MEGF11: variants seen among roughly 807,000 people sequenced by gnomAD.
MEGF11 encodes the protein multiple epidermal growth factor-like domains protein 11.
A neutral mutation model predicts 146.6 loss-of-function variants in MEGF11; 126 were observed. The observed-to-expected ratio is 0.86, with a 90% CI of 0.74 to 1.00. MEGF11 has a LOEUF of 1.00. Ranked by LOEUF, MEGF11 falls within the 50% of genes least tolerant of loss-of-function variation. The pLI is 0.00. For missense variants in MEGF11, 1,509 were observed against 1,521.2 expected, an observed-to-expected ratio of 0.99 and a Z score of 0.13; for synonymous variants, 532 against 583.4, an observed-to-expected ratio of 0.91 and a Z score of 1.27.
At chr15:65,930,579 C>T (rs927786348) in intron 11 of MEGF11, among the ~76,000 whole-genome samples, 1 of 152,242 alleles carries the variant, frequency 6.6e-6, no homozygotes, top group African/African-American at 2.4e-5. Flanking sequence ...GTCTCGGTTG[C>T]ACACTTTCCC....
intron 7 of MEGF11, among the ~76,000 whole-genome samples, chr15:65,973,625 C>T (rs982882186): frequency 1.3e-5 from 2 of 152,056 alleles, no homozygotes; most frequent in African/African-American, 2.4e-5. Context: ...AGCCAAATCC[C>T]GTGTCTTAAA....
intron 5 of MEGF11, among the ~76,000 whole-genome samples, chr15:66,085,707 G>C (rs990376505): frequency 6.6e-6 from 1 of 152,192 alleles, no homozygotes; most frequent in African/African-American, 2.4e-5. Flanking sequence ...CCCTCTGACA[G>C]AGCCTACCCA....
At chr15:65,919,984 G>A (rs2079124658) in intron 15 of MEGF11, among the ~76,000 whole-genome samples, 1 of 152,128 alleles carries the variant, frequency 6.6e-6, no homozygotes, top group Admixed American at 6.5e-5. Context: ...ATAAAACAAG[G>A]TATGCCTGTA....
At chr15:65,930,761 C>T in intron 11 of MEGF11, 62 bp downstream of exon 11, 17 of 1,496,210 alleles carry the variant, frequency 1.1e-5, no homozygotes, top group Non-Finnish European at 1.4e-5. Context: ...CCTCAGCTGG[C>T]AGCACCACCT....
At chr15:66,234,818 C>A (rs1220576298) in intron 1 of MEGF11, among the ~76,000 whole-genome samples, 3 of 152,200 alleles carry the variant, frequency 2.0e-5, no homozygotes, top group African/African-American at 7.2e-5. Flanking sequence ...GATTTACTCC[C>A]TGTTCATAAA....
intron 5 of MEGF11, among the ~76,000 whole-genome samples, chr15:65,983,783 AG>A (rs2141700804): frequency 6.6e-6 from 1 of 152,172 alleles, no homozygotes; most frequent in East Asian, 1.9e-4. Flanking sequence ...CAGAGAGGAA[AG>A]GGGGCAGGTG....
chr15:66,068,685 T>G (rs2085243555), intron 5 of MEGF11, among the ~76,000 whole-genome samples: 1 of 152,146 alleles, frequency 6.6e-6, no homozygotes, highest in Non-Finnish European at 1.5e-5. Flanking sequence ...ATCAGGCCAT[T>G]GTCATGGGTT....
At chr15:66,026,788 G>C (rs564742239) in intron 5 of MEGF11, among the ~76,000 whole-genome samples, 1 of 152,162 alleles carries the variant, frequency 6.6e-6, no homozygotes, top group African/African-American at 2.4e-5. Context: ...ACACCTGGCC[G>C]AAGCCTAGCA....
intron 10 of MEGF11, among the ~76,000 whole-genome samples, chr15:65,948,660 AG>A (rs1235482148): frequency 6.6e-6 from 1 of 152,204 alleles, no homozygotes; most frequent in African/African-American, 2.4e-5. Context: ...GCTACGTGCC[AG>A]GCTTTGTTCT....
intron 5 of MEGF11, among the ~76,000 whole-genome samples, chr15:66,033,774 ATTTATTTATTTTTATTT>A (rs2083621940): frequency 5.4e-5 from 5 of 93,132 alleles, no homozygotes; most frequent in East Asian, 1.5e-3. Context: ...TTGGTTTTGG[ATTTATTTATTTTTATTT>A]TTTATTTTTA....
intron 13 of MEGF11, among the ~76,000 whole-genome samples, chr15:65,923,751 A>G (rs2079261307): frequency 6.6e-6 from 1 of 152,230 alleles, no homozygotes; most frequent in African/African-American, 2.4e-5. Context: ...GAATTTCTCA[A>G]TAAGAAAAAG....
intron 8 of MEGF11, among the ~76,000 whole-genome samples, chr15:65,965,774 A>ATTGT (rs959702792): frequency 2.2e-4 from 33 of 151,888 alleles, no homozygotes; most frequent in African/African-American, 8.0e-4. Flanking sequence ...ATCAATGTCC[A>ATTGT]TTGTTTATAA....
intron 5 of MEGF11, among the ~76,000 whole-genome samples, chr15:66,055,765 C>T (rs1031684368): frequency 6.6e-6 from 1 of 152,162 alleles, no homozygotes; most frequent in Non-Finnish European, 1.5e-5. Context: ...GGAAGCCTCA[C>T]GCGGCCGCAC....
intron 5 of MEGF11, among the ~76,000 whole-genome samples, chr15:65,999,678 G>A (rs2082301806): frequency 6.6e-6 from 1 of 152,146 alleles, no homozygotes; most frequent in Admixed American, 6.5e-5. Flanking sequence ...TTGCCATCAG[G>A]ATATGATACA....
At chr15:66,152,369 G>A (rs1263343501) in intron 1 of MEGF11, among the ~76,000 whole-genome samples, 1 of 152,042 alleles carries the variant, frequency 6.6e-6, no homozygotes, top group South Asian at 2.1e-4. Flanking sequence ...ATGGATCCCA[G>A]ACTCCCCCCT....
At chr15:66,001,218 C>T (rs1420683605) in intron 5 of MEGF11, among the ~76,000 whole-genome samples, 2 of 151,916 alleles carry the variant, frequency 1.3e-5, no homozygotes, top group East Asian at 3.9e-4. Flanking sequence ...GGCTGGAGTC[C>T]CCCCACACAT....
At chr15:65,985,224 A>C (rs1349129734) in intron 5 of MEGF11, among the ~76,000 whole-genome samples, 1 of 152,188 alleles carries the variant, frequency 6.6e-6, no homozygotes, top group Non-Finnish European at 1.5e-5. Flanking sequence ...TTAAGTGATT[A>C]CCTGAGGTTA....
chr15:66,041,026 GTGCATAA>G (rs1037889782), intron 5 of MEGF11, among the ~76,000 whole-genome samples: 2 of 151,826 alleles, frequency 1.3e-5, no homozygotes, highest in African/African-American at 4.8e-5. Flanking sequence ...TACATGTTTG[GTGCATAA>G]ATACCTGAAT....
At chr15:65,965,570 C>CCCTT (rs1473366928) in intron 8 of MEGF11, among the ~76,000 whole-genome samples, 18 of 81,844 alleles carry the variant, frequency 2.2e-4, no homozygotes, top group Non-Finnish European at 3.1e-4. Flanking sequence ...CCAGTGAGGT[C>CCCTT]CCTTTCTTTC....
Sources: allele counts gnomAD v4.1 joint callset (sites outside exome capture counted in the v4.1 genomes callset), GRCh38; gene constraint gnomAD v4.1.1; transcripts MANE v1.5; gene names NCBI Gene and HGNC (gene_info 2026-07-23, HGNC 2026-07-21).